The following CCL3L3 variants were observed in gnomAD, a reference collection of about 807,000 sequenced individuals.
CCL3L3 encodes the protein C-C motif chemokine 3-like 1.
In CCL3L3, 6 loss-of-function variants were observed where a neutral mutation model predicts 9.0. The ratio of observed to expected loss-of-function variants is 0.67; its 90% CI spans 0.37 to 1.32. CCL3L3 has a LOEUF of 1.32. Ranked by LOEUF, CCL3L3 falls within the 40% of genes most tolerant of loss-of-function variation. The pLI is 0.02. For synonymous variants in CCL3L3, 38 were observed against 45.7 expected (o/e 0.83, Z 0.68); for missense variants, 93 against 117.0 (o/e 0.79, Z 0.95).
chr17:36,196,290 C>T (rs2068620459), intron 1 of CCL3L3: 1 of 650,172 alleles, frequency 1.5e-6, no homozygotes, highest in Admixed American at 2.1e-5. Flanking sequence ...GAACAGACCC[C>T]ACTGGGAAGT....
At position 36,195,781 on chromosome 17, in the gene CCL3L3, G is replaced by A. The variant is rs1411010322; in HGVS notation, c.191+17C>T. 7.6e-6 allele frequency: 12 copies of A among 1,581,190 alleles called. 1 individual carries two copies. The highest frequency in any genetic ancestry group is 1.0e-5 in the Non-Finnish European group (12 of 1,156,208). ...CTCCCTACCTCCCTAGAGGTGAGCA[G>A]GAAGACTGGCACTTACATGACACTG... On this transcript the variant is annotated intron_variant, in intron 2 of 2. Coordinates refer to ENST00000619989, the MANE Select transcript of CCL3L3 (RefSeq NM_001001437.4).
In CCL3L3 at chr17:36,196,097, A is replaced by G. The variant is rs1220522800; in HGVS notation, c.77-185T>C. 1.4e-3 allele frequency: 969 copies of G among 713,916 alleles called. 41 individuals are homozygous for G. In the African/African-American group the frequency reaches 0.014, roughly 10 times the overall value. 44.2% of individuals were successfully genotyped at this position (713,916 alleles called of 1,614,324 possible). A position where few individuals can be genotyped will look rare whatever the true frequency, so the allele number is the denominator to read the frequency against. On this transcript the variant is annotated intron_variant, in intron 1 of 2. Coordinates refer to ENST00000619989, the MANE Select transcript of CCL3L3 (RefSeq NM_001001437.4). Reference sequence around the variant, plus strand: ...TATTCCTCTTTCCCCTTGACTCTTCATAGTGGGTTCTCTGTTTCTCTATGT... The same window carrying G: ...TATTCCTCTTTCCCCTTGACTCTTCGTAGTGGGTTCTCTGTTTCTCTATGT...
At position 36,195,908 on chromosome 17, in the gene CCL3L3, A is replaced by C. The variant is rs2068616206; in HGVS notation, c.81T>G (p.Ala27=). The C allele has an allele frequency of 2.5e-6, 4 of 1,583,124 alleles. 1 individual carries two copies. Among genetic ancestry groups the C allele is most frequent in the Non-Finnish European group, 3.5e-6 (4 of 1,157,814 alleles). The change falls in exon 2 of 3, where the codon GCT becomes GCG. Residue 27 remains alanine, a synonymous_variant. Coordinates refer to ENST00000619989, the MANE Select transcript of CCL3L3 (RefSeq NM_001001437.4). ...LCNQVLSAPL[A]ADTPTACCFS... ...AGCAGCAGGCGGTCGGCGTGTCAGC[A>C]GCAACTGCGGAGAAAGGAGAGAATA...
chr17:36,195,986 G>A lies in CCL3L3; in HGVS notation c.77-74C>T, dbSNP rs1464297540. On this transcript the variant is annotated intron_variant, in intron 1 of 2. Transcript: ENST00000619989. The stretch of plus-strand genomic sequence containing the variant: ...GCCAGGCAGCTTCTGATCCCTGAGT[G>A]GTTGAGGAGGGCAGGCTTGCTCAGA... The A allele has an allele frequency of 2.6e-4, 395 of 1,505,570 alleles. 24 individuals carry two copies. The highest frequency in any genetic ancestry group is 3.3e-4 in the Non-Finnish European group (358 of 1,086,246). 93.3% of individuals were successfully genotyped at this position (1,505,570 alleles called of 1,614,324 possible).
chr17:36,196,013 C>A, intron 1 of CCL3L3, 101 bp from the exon 2 acceptor site: 1 of 1,305,712 alleles, frequency 7.7e-7, no homozygotes, highest in Non-Finnish European at 1.1e-6. Flanking sequence ...TTGCTCAGAC[C>A]AAGTGACTGC....
chr17:36,196,151 T>C, intron 1 of CCL3L3: 1 of 636,002 alleles, frequency 1.6e-6, no homozygotes, highest in Admixed American at 2.4e-5. Flanking sequence ...GACTGTTCTC[T>C]TAGCTCTCTT....
chr17:36,195,389 G>C lies in CCL3L3; in HGVS notation c.192-13C>G, dbSNP rs2068609762. The C allele has an allele frequency of 1.3e-6, 2 of 1,582,266 alleles. No individual in the cohort carries two copies. Among genetic ancestry groups the C allele is most frequent in the Admixed American group, 1.7e-5 (1 of 59,204 alleles). ...CTTGGTTAGGAAGCTGTGGAGAAGG[G>C]AGGAAGAGTTAAGCACTGGGGAATC... On this transcript the variant is annotated splice_polypyrimidine_tract_variant and intron_variant, in intron 2 of 2. Transcript: ENST00000619989.
chr17:36,195,696 T>C, intron 2 of CCL3L3, 102 bp downstream of exon 2: 2 of 1,423,388 alleles, frequency 1.4e-6, no homozygotes, highest in Admixed American at 3.4e-5. Flanking sequence ...CCCGATAGGC[T>C]CCTGAAGGCT....
At chr17:36,196,239 G>T (rs2068619955) in intron 1 of CCL3L3, 1 of 642,160 alleles carries the variant, frequency 1.6e-6, no homozygotes, top group South Asian at 1.5e-5. Context: ...ACATCCAAGG[G>T]ACAGGGCTCC....
intron 2 of CCL3L3, 91 bp downstream of exon 2, chr17:36,195,707 G>A: frequency 6.8e-7 from 1 of 1,463,742 alleles, no homozygotes. Flanking sequence ...CCTGAAGGCT[G>A]GGCCTTTCCA....
intron 1 of CCL3L3, chr17:36,196,263 G>A: frequency 1.6e-6 from 1 of 643,912 alleles, no homozygotes; most frequent in Admixed American, 2.1e-5. Context: ...GAGACCTAGG[G>A]TGAGCTGGAG....
At position 36,196,154 on chromosome 17, in the gene CCL3L3, G is replaced by A. The variant is rs1461037381; in HGVS notation, c.77-242C>T. ...GATACCTGAATGGACTGTTCTCTTA[G>A]CTCTCTTCATGGAATTTTGTCGGTT... On this transcript the variant is annotated intron_variant, in intron 1 of 2. Coordinates refer to ENST00000619989, the MANE Select transcript of CCL3L3 (RefSeq NM_001001437.4). 1.2e-4 allele frequency: 77 copies of A among 635,192 alleles called. 1 individual carries two copies. The East Asian group carries it at 2.1e-3, about 17-fold the overall frequency. 39.3% of individuals were successfully genotyped at this position (635,192 alleles called of 1,614,324 possible). A position where few individuals can be genotyped will look rare whatever the true frequency, so the allele number is the denominator to read the frequency against.
intron 1 of CCL3L3, 46 bp downstream of exon 1, chr17:36,196,552 C>G (rs2068623136): frequency 1.3e-6 from 2 of 1,560,162 alleles, no homozygotes; most frequent in African/African-American, 1.3e-5. Context: ...TGTGGTCTAA[C>G]CATGGCCAGA....
At position 36,196,575 on chromosome 17, in the gene CCL3L3, C is replaced by T. The variant is rs2068623460; in HGVS notation, c.76+23G>A. 2.2e-5 allele frequency: 34 copies of T among 1,578,830 alleles called. 2 individuals carry two copies. The South Asian group carries it at 3.6e-4, about 17-fold the overall frequency. On this transcript the variant is annotated intron_variant, in intron 1 of 2. Transcript: ENST00000619989. ...AACCATGGCCAGAGAGTGGTGATACCCACAACAACAACATGGACTCACGTG... is the reference window on the plus strand; with the variant it reads ...AACCATGGCCAGAGAGTGGTGATACTCACAACAACAACATGGACTCACGTG...
rs541484228 is a variant in CCL3L3, at chr17:36,196,750, C to T, written c.-77G>A. 0.012 allele frequency: 17,922 copies of T among 1,463,174 alleles called. 436 individuals carry two copies. The African/African-American group carries it at 0.19, about 15-fold the overall frequency. 90.6% of individuals were successfully genotyped at this position (1,463,174 alleles called of 1,614,324 possible). A position where few individuals can be genotyped will look rare whatever the true frequency, so the allele number is the denominator to read the frequency against. On this transcript the variant is annotated 5_prime_UTR_variant, in exon 1 of 3. Transcript: ENST00000619989. The stretch of plus-strand genomic sequence containing the variant: ...GGGACTGACTACTCTTTGCTGCCTG[C>T]GTCCTTCTGATGTCTGAAGCCATCT...
At chr17:36,196,189 A>AT (rs2068619364) in intron 1 of CCL3L3, 1 of 631,830 alleles carries the variant, frequency 1.6e-6, no homozygotes, top group Non-Finnish European at 2.9e-6. Flanking sequence ...TCAAGAAGTC[A>AT]TACCCCAGCC....
intron 2 of CCL3L3, 103 bp from the exon 3 acceptor site, chr17:36,195,479 G>A: frequency 1.4e-6 from 2 of 1,451,620 alleles, no homozygotes; most frequent in Admixed American, 1.7e-5. Flanking sequence ...GCAGCTCAAG[G>A]CCTGCTCCTC....
In CCL3L3 at chr17:36,195,688, C is replaced by T. The variant is rs1433034817; in HGVS notation, c.191+110G>A. The stretch of plus-strand genomic sequence containing the variant: ...CTCAGTGCCCTGCGTCCTGTATCCC[C>T]GATAGGCTCCTGAAGGCTGGGCCTT... On this transcript the variant is annotated intron_variant, in intron 2 of 2. Coordinates refer to ENST00000619989, the MANE Select transcript of CCL3L3 (RefSeq NM_001001437.4). 4.0e-4 allele frequency: 553 copies of T among 1,395,766 alleles called. 5 individuals are homozygous for T. Among genetic ancestry groups the T allele is most frequent in the South Asian group, 9.3e-4 (79 of 85,396 alleles). 86.5% of individuals were successfully genotyped at this position (1,395,766 alleles called of 1,614,324 possible). A position where few individuals can be genotyped will look rare whatever the true frequency, so the allele number is the denominator to read the frequency against.
Position 36,195,235 on chromosome 17 carries a change from C to G in CCL3L3, c.*51G>C, listed in dbSNP as rs561313195. On this transcript the variant is annotated 3_prime_UTR_variant, in exon 3 of 3. Transcript: ENST00000619989. The stretch of plus-strand genomic sequence containing the variant: ...TGTTCCCAAGGCTCAGGCTCCTGCT[C>G]CTCCCCACTGGGCCCACTGAGGTCG... 27 of 1,553,314 alleles carry G rather than the reference C, an allele frequency of 1.7e-5. 2 individuals carry two copies. The highest frequency in any genetic ancestry group is 1.4e-4 in the Admixed American group (8 of 59,192).
Sources: gnomAD v4.1 joint callset for allele counts on GRCh38, gnomAD v4.1.1 for gene constraint, MANE v1.5 for transcripts, NCBI Gene and HGNC (gene_info 2026-07-23, HGNC 2026-07-21) for gene names.